Variants in FAM221A observed in about 807,000 individuals in gnomAD.
FAM221A encodes the protein family with sequence similarity 221 member A.
A neutral mutation model predicts 37.6 loss-of-function variants in FAM221A; 43 were observed. That is an observed-to-expected ratio of 1.15 (90% CI 0.90 to 1.48). The LOEUF is 1.48. Among genes scored for constraint, FAM221A ranks in the 40% most tolerant of loss-of-function variants. The pLI is 0.00. For missense variants in FAM221A, 361 were observed against 361.5 expected (o/e 1.00, Z 0.01); for synonymous variants, 135 against 132.9 (o/e 1.02, Z -0.11).
chr7:23,694,775 C>G (rs1454329144), intron 4 of FAM221A: 3 of 152,138 alleles, frequency 2.0e-5, no homozygotes, highest in Non-Finnish European at 2.9e-5. Context: ...TTGTGTACAG[C>G]CACTATGTTG....
At chr7:23,692,673 C>A in intron 4 of FAM221A, 1 of 984,738 alleles carries the variant, frequency 1.0e-6, no homozygotes, top group Non-Finnish European at 1.2e-6. Flanking sequence ...GTAAAAGATT[C>A]AAACAATAGA....
Position 23,680,289 on chromosome 7 carries a change from G to C in FAM221A, c.65+6G>C. 6.5e-7 allele frequency: 1 copy of C among 1,544,074 alleles called. No individual in the cohort carries two copies. ...GAGTACCTGGAGTACCGGAGGTGAG[G>C]CTGTGGCTCCGGGCCTGCCCCCCCG... On this transcript the variant is annotated splice_donor_region_variant and intron_variant, in intron 1 of 6. Transcript: ENST00000344962.
chr7:23,702,738 A>G (rs981183779), downstream of FAM221A: 1 of 152,326 alleles, frequency 6.6e-6, no homozygotes, highest in South Asian at 2.1e-4. Flanking sequence ...TCAACCACCC[A>G]TTGTCTATGA....
At chr7:23,701,147 A>G (rs890435373) in intron 6 of FAM221A, among the ~76,000 whole-genome samples, 5 of 151,804 alleles carry the variant, frequency 3.3e-5, no homozygotes, top group African/African-American at 1.2e-4. Context: ...TTTGTAAATT[A>G]TATGTATCTT....
At chr7:23,698,099 G>T in intron 4 of FAM221A, 93 bp from the exon 5 acceptor site, 1 of 748,174 alleles carries the variant, frequency 1.3e-6, no homozygotes. Flanking sequence ...TAATAATTCT[G>T]CTGAGGTTCC....
Position 23,680,261 on chromosome 7 carries a change from G to T in FAM221A, c.43G>T (p.Asp15Tyr). 6.5e-7 allele frequency: 1 copy of T among 1,548,954 alleles called. No homozygotes were observed. Among genetic ancestry groups the T allele is most frequent in the Admixed American group, 2.0e-5 (1 of 50,942 alleles). The change falls in exon 1 of 7, where the codon GAC becomes TAC. Residue 15 changes from aspartate to tyrosine, a missense_variant. Physicochemically the swap from Asp to Tyr is radical, Grantham distance 160. Transcript: ENST00000344962. ...GCCTCTCGGCGGCGCGGCGGCGGTG[G>T]ACGAGTACCTGGAGTACCGGAGGTG... ...TLPLGGAAAV[D>Y]EYLEYRRIVG...
intron 5 of FAM221A, among the ~76,000 whole-genome samples, chr7:23,700,467 G>A (rs1203997859): frequency 6.6e-6 from 1 of 152,202 alleles, no homozygotes; most frequent in Non-Finnish European, 1.5e-5. Context: ...ATCTCAAAGT[G>A]TAACATGGAT....
chr7:23,698,140 T>C (rs1785179500), intron 4 of FAM221A, 52 bp from the exon 5 acceptor site: 4 of 933,370 alleles, frequency 4.3e-6, no homozygotes, highest in Non-Finnish European at 6.9e-6. Flanking sequence ...TAATAACTTG[T>C]TTGTATCCCT....
chr7:23,694,741 C>T (rs954852143), intron 4 of FAM221A: 1 of 152,210 alleles, frequency 6.6e-6, no homozygotes, highest in African/African-American at 2.4e-5. Flanking sequence ...TGTGGGCTCT[C>T]TAGTCTGCCA....
intron 1 of FAM221A, among the ~76,000 whole-genome samples, chr7:23,681,480 C>T (rs1784034927): frequency 6.6e-6 from 1 of 152,280 alleles, no homozygotes; most frequent in East Asian, 1.9e-4. Context: ...AGTGCAGTGG[C>T]GCGATCTCGG....
chr7:23,695,685 T>C (rs1347830251), intron 4 of FAM221A, among the ~76,000 whole-genome samples: 9 of 152,198 alleles, frequency 5.9e-5, no homozygotes, highest in South Asian at 2.1e-4. Flanking sequence ...TTTTTTTTCA[T>C]TGGTATCATA....
At chr7:23,689,581 T>C (rs749948035) in intron 3 of FAM221A, 122 bp downstream of exon 3, 4 of 671,386 alleles carry the variant, frequency 6.0e-6, no homozygotes, top group Non-Finnish European at 6.8e-6. Flanking sequence ...AGAGTTAATA[T>C]TCAGTTATGG....
At position 23,689,683 on chromosome 7, in the gene FAM221A, T is replaced by G. The variant is rs1319446180; in HGVS notation, c.430+224T>G. On this transcript the variant is annotated intron_variant, in intron 3 of 6. Transcript: ENST00000344962. ...AACTCAGAGTTAATGGTATGCTTGA[T>G]AATCATAAACCCTCATCTCATATAG... is the stretch of plus-strand genomic sequence containing the variant. 3.3e-5 allele frequency among the ~76,000 whole-genome samples: 5 copies of G among 152,350 alleles called. No homozygotes were observed. The South Asian group carries it at 1.0e-3, about 32-fold the overall frequency.
intron 5 of FAM221A, among the ~76,000 whole-genome samples, chr7:23,699,115 ATTT>A (rs1185698578): frequency 7.5e-5 from 10 of 133,228 alleles, no homozygotes; most frequent in Non-Finnish European, 8.0e-5. Flanking sequence ...CAATGCTGGA[ATTT>A]TTTTTTTTTT....
chr7:23,692,771 T>C, intron 4 of FAM221A: 1 of 970,514 alleles, frequency 1.0e-6, no homozygotes, highest in Non-Finnish European at 1.2e-6. Context: ...TAATTTGCTA[T>C]CATCAATTAA....
intron 2 of FAM221A, 21 bp from the exon 3 acceptor site, chr7:23,689,248 T>C: frequency 6.8e-7 from 1 of 1,479,096 alleles, no homozygotes; most frequent in Non-Finnish European, 9.2e-7. Context: ...TTTATATTTC[T>C]CTCTCTTTCT....
chr7:23,698,497 T>C (rs1041291611), intron 5 of FAM221A, among the ~76,000 whole-genome samples, 198 bp downstream of exon 5: 6 of 152,230 alleles, frequency 3.9e-5, no homozygotes, highest in Non-Finnish European at 5.9e-5. Flanking sequence ...GAAAAATAGC[T>C]AACTCCGAGA....
At chr7:23,684,714 A>G in intron 2 of FAM221A, 42 bp downstream of exon 2, 1 of 1,530,842 alleles carries the variant, frequency 6.5e-7, no homozygotes, top group Non-Finnish European at 8.9e-7. Flanking sequence ...ATTAGAAAAT[A>G]AAAAGCTAAG....
intron 5 of FAM221A, among the ~76,000 whole-genome samples, chr7:23,699,292 CTT>C (rs71552250): frequency 0.41 from 61,636 of 149,978 alleles, 13,207 homozygotes; most frequent in East Asian, 0.73. Flanking sequence ...ATTAAAAAAA[CTT>C]TTTTTTTGCA....
Sources: gnomAD v4.1 joint callset for allele counts (sites outside exome capture counted in the v4.1 genomes callset) on GRCh38, gnomAD v4.1.1 for gene constraint, MANE v1.5 for transcripts, NCBI Gene and HGNC (gene_info 2026-07-23, HGNC 2026-07-21) for gene names.